The following AGBL4 variants were observed in gnomAD, a reference collection of about 807,000 sequenced individuals.
AGBL4 encodes the protein cytosolic carboxypeptidase 6.
A neutral mutation model predicts 66.4 loss-of-function variants in AGBL4; 58 were observed. That is an observed-to-expected ratio of 0.87 (90% CI 0.71 to 1.09). AGBL4 has a LOEUF of 1.09. Ranked by LOEUF, AGBL4 falls within the 50% of genes least tolerant of loss-of-function variation. The probability of loss-of-function intolerance (pLI) is 0.00; values close to 1 mark genes in which losing one functional copy is unlikely to be tolerated. For missense variants in AGBL4, 579 were observed against 631.0 expected (o/e 0.92, Z 0.88); for synonymous variants, 234 against 222.9 (o/e 1.05, Z -0.44).
chr1:49,456,477 C>T (rs911536423), intron 3 of AGBL4, among the ~76,000 whole-genome samples: 1 of 151,794 alleles, frequency 6.6e-6, no homozygotes, highest in East Asian at 1.9e-4. Flanking sequence ...CCCCAAGTGT[C>T]CTGGCTTGAA....
At chr1:49,732,774 T>A (rs1050010769) in intron 2 of AGBL4, among the ~76,000 whole-genome samples, 3 of 152,046 alleles carry the variant, frequency 2.0e-5, no homozygotes, top group African/African-American at 7.2e-5. Context: ...AGATCTCCAG[T>A]GCAGCAAGTT....
intron 10 of AGBL4, among the ~76,000 whole-genome samples, chr1:48,590,123 G>A (rs776970818): frequency 3.3e-5 from 5 of 152,106 alleles, no homozygotes; most frequent in South Asian, 2.1e-4. Flanking sequence ...AGCCAGTAGC[G>A]GCCAGGCGCG....
At chr1:48,687,824 G>A (rs531937229) in intron 6 of AGBL4, among the ~76,000 whole-genome samples, 1 of 152,328 alleles carries the variant, frequency 6.6e-6, no homozygotes, top group South Asian at 2.1e-4. Flanking sequence ...TCCTGCTCCT[G>A]CAGACCTATC....
intron 3 of AGBL4, among the ~76,000 whole-genome samples, chr1:49,607,944 G>A (rs1324961514): frequency 1.3e-5 from 2 of 152,156 alleles, no homozygotes; most frequent in African/African-American, 2.4e-5. Context: ...AGACAATGTG[G>A]TTGAATAATA....
intron 3 of AGBL4, among the ~76,000 whole-genome samples, chr1:49,656,428 C>A (rs1646134623): frequency 6.6e-6 from 1 of 152,030 alleles, no homozygotes; most frequent in South Asian, 2.1e-4. Flanking sequence ...ACCACAGGTA[C>A]AAGGAGGAGC....
intron 9 of AGBL4, among the ~76,000 whole-genome samples, chr1:48,624,605 T>C (rs1645469001): frequency 6.6e-6 from 1 of 152,234 alleles, no homozygotes; most frequent in South Asian, 2.1e-4. Flanking sequence ...ATCAGTCAAC[T>C]GCTCAAGAGG....
chr1:49,452,277 C>A (rs567352696), intron 3 of AGBL4, among the ~76,000 whole-genome samples: 1 of 151,922 alleles, frequency 6.6e-6, no homozygotes, highest in African/African-American at 2.4e-5. Context: ...GTGTCCCTGT[C>A]CCCAGTCTTG....
chr1:49,646,342 T>C (rs1005040043), intron 3 of AGBL4, among the ~76,000 whole-genome samples: 5 of 151,966 alleles, frequency 3.3e-5, no homozygotes, highest in Non-Finnish European at 5.9e-5. Flanking sequence ...CTCAGCAAGA[T>C]TGCAGGATAC....
chr1:49,437,042 A>AT (rs1175716085), intron 3 of AGBL4, among the ~76,000 whole-genome samples: 17 of 152,182 alleles, frequency 1.1e-4, no homozygotes, highest in Admixed American at 6.5e-5. Context: ...AGTACAAGGT[A>AT]TAGAATTCCA....
intron 3 of AGBL4, among the ~76,000 whole-genome samples, chr1:49,621,503 C>T (rs1645359812): frequency 6.6e-6 from 1 of 152,164 alleles, no homozygotes; most frequent in Non-Finnish European, 1.5e-5. Flanking sequence ...TTGCTTGGAC[C>T]ACTATAAGCA....
At chr1:49,637,269 G>A (rs1645692934) in intron 3 of AGBL4, among the ~76,000 whole-genome samples, 1 of 152,066 alleles carries the variant, frequency 6.6e-6, no homozygotes, top group Admixed American at 6.6e-5. Context: ...TAATACAGCA[G>A]ATAAACTACA....
chr1:49,277,797 T>A (rs985463877), intron 3 of AGBL4, among the ~76,000 whole-genome samples: 6 of 152,024 alleles, frequency 3.9e-5, no homozygotes, highest in African/African-American at 1.2e-4. Context: ...CACTCCAACT[T>A]GCCCCATACC....
intron 4 of AGBL4, among the ~76,000 whole-genome samples, chr1:49,210,478 AGCAGCACAATATGAACACTGT>A: frequency 6.6e-6 from 1 of 152,238 alleles, no homozygotes; most frequent in East Asian, 1.9e-4. Flanking sequence ...CACAAACAAT[AGCAGCACAATATGAACACTGT>A]GCAAATGTAT....
intron 1 of AGBL4, among the ~76,000 whole-genome samples, chr1:49,868,211 A>G (rs1016994806): frequency 6.6e-6 from 1 of 152,208 alleles, no homozygotes; most frequent in Non-Finnish European, 1.5e-5. Flanking sequence ...AAAGTAATTT[A>G]TAGATTCAGT....
At chr1:48,798,461 T>C (rs537681380) in intron 6 of AGBL4, among the ~76,000 whole-genome samples, 1 of 152,368 alleles carries the variant, frequency 6.6e-6, no homozygotes, top group Admixed American at 6.5e-5. Flanking sequence ...TCTTTTGCTG[T>C]GTAGAAGCCT....
rs563904766 is a variant in AGBL4, at chr1:49,918,818, G to A, written c.35-67300C>T. On this transcript the variant is annotated intron_variant, in intron 1 of 13. Transcript: ENST00000371839. ...TAGACCAATATCCTTGATGAACATC[G>A]ATGCAAAAATCCTCAATAAAATACT... Among the ~76,000 whole-genome samples the A allele has an allele frequency of 3.4e-3, 521 of 152,202 alleles. 6 individuals carry two copies. The highest frequency in any genetic ancestry group is 0.012 in the African/African-American group (496 of 41,522).
At chr1:49,717,363 G>C (rs1648231579) in intron 2 of AGBL4, among the ~76,000 whole-genome samples, 1 of 151,902 alleles carries the variant, frequency 6.6e-6, no homozygotes, top group Admixed American at 6.6e-5. Context: ...TTTGTGAGAT[G>C]GTATCTCATT....
chr1:49,515,876 C>T (rs1195029411), intron 3 of AGBL4, among the ~76,000 whole-genome samples: 12 of 110,350 alleles, frequency 1.1e-4, no homozygotes, highest in South Asian at 2.8e-4. Context: ...CATTACACAC[C>T]GGGGCCTGTT....
intron 9 of AGBL4, among the ~76,000 whole-genome samples, chr1:48,622,991 G>A (rs1018089703): frequency 3.9e-5 from 6 of 152,100 alleles, no homozygotes; most frequent in African/African-American, 1.4e-4. Context: ...TTTAAACGCG[G>A]GCCTGAGCCT....
Sources: gnomAD v4.1 joint callset for allele counts (sites outside exome capture counted in the v4.1 genomes callset) on GRCh38, gnomAD v4.1.1 for gene constraint, MANE v1.5 for transcripts, NCBI Gene and HGNC (gene_info 2026-07-23, HGNC 2026-07-21) for gene names.